Variants in ITSN1 observed in about 807,000 individuals in gnomAD.
ITSN1 encodes the protein intersectin-1.
Under a neutral mutation model 239.8 loss-of-function variants are expected in ITSN1, and 58 were observed. The observed-to-expected ratio is 0.24, with a 90% CI of 0.20 to 0.30. The LOEUF is 0.30. ITSN1 is among the 10% of genes least tolerant of loss of function. The probability of loss-of-function intolerance (pLI) is 1.00; values close to 1 mark genes in which losing one functional copy is unlikely to be tolerated. For synonymous variants in ITSN1, 780 were observed against 770.8 expected (o/e 1.01, Z -0.20); for missense variants, 1,558 against 2,103.3 (o/e 0.74, Z 5.07).
At chr21:33,751,553 G>A (rs567369589) in intron 6 of ITSN1, among the ~76,000 whole-genome samples, 1 of 152,296 alleles carries the variant, frequency 6.6e-6, no homozygotes, top group East Asian at 1.9e-4. Flanking sequence ...GATACAAAAT[G>A]TTTAATGAAG....
intron 1 of ITSN1, among the ~76,000 whole-genome samples, chr21:33,681,636 A>ATTTTG (rs1368831002): frequency 1.3e-5 from 2 of 149,304 alleles, no homozygotes; most frequent in Admixed American, 1.3e-4. Flanking sequence ...ATTTTATTTT[A>ATTTTG]TTTTATTTTA....
chr21:33,680,108 T>C (rs2090854058), intron 1 of ITSN1, among the ~76,000 whole-genome samples: 1 of 152,194 alleles, frequency 6.6e-6, no homozygotes, highest in Non-Finnish European at 1.5e-5. Flanking sequence ...AATGTTCTTT[T>C]GCATTTTATT....
intron 5 of ITSN1, among the ~76,000 whole-genome samples, chr21:33,736,435 G>GT (rs2066505674): frequency 9.5e-6 from 1 of 105,182 alleles, no homozygotes; most frequent in Non-Finnish European, 1.8e-5. Context: ...AAGGGGAAAG[G>GT]TTTTGGAAGA....
intron 29 of ITSN1, among the ~76,000 whole-genome samples, chr21:33,844,270 A>G (rs1408520647): frequency 6.6e-6 from 1 of 152,228 alleles, no homozygotes; most frequent in East Asian, 1.9e-4. Context: ...CTCTTGGTTG[A>G]TGTGGACAAG....
intron 9 of ITSN1, among the ~76,000 whole-genome samples, chr21:33,762,332 T>C (rs1268911436): frequency 6.6e-6 from 1 of 151,830 alleles, no homozygotes; most frequent in African/African-American, 2.4e-5. Flanking sequence ...AGTGGTACGA[T>C]CTCGGCTCAC....
At chr21:33,807,080 G>T (rs1220089029) in intron 20 of ITSN1, among the ~76,000 whole-genome samples, 1 of 152,200 alleles carries the variant, frequency 6.6e-6, no homozygotes, top group Non-Finnish European at 1.5e-5. Flanking sequence ...ATGTATACTT[G>T]TAAGAGTAAA....
intron 34 of ITSN1, among the ~76,000 whole-genome samples, chr21:33,879,751 C>T (rs1374575088): frequency 1.3e-5 from 2 of 152,182 alleles, no homozygotes; most frequent in Non-Finnish European, 2.9e-5. Context: ...GCGATCTCGG[C>T]TCACTGCAAC....
At chr21:33,750,110 T>G in intron 5 of ITSN1, 33 bp from the exon 6 acceptor site, 1 of 1,600,906 alleles carries the variant, frequency 6.2e-7, no homozygotes, top group African/African-American at 1.3e-5. Flanking sequence ...TGTGATTGGA[T>G]GTGAATGGTG....
chr21:33,851,406 C>CT lies in ITSN1; in HGVS notation c.3662-5320dup, dbSNP rs923756344. Among the ~76,000 whole-genome samples, 194 of 148,516 alleles carry CT rather than the reference C, an allele frequency of 1.3e-3. 1 individual carries two copies. Among genetic ancestry groups the CT allele is most frequent in the Middle Eastern group, 3.4e-3 (1 of 290 alleles). On this transcript the variant is annotated intron_variant, in intron 29 of 39. Transcript: ENST00000381318. The stretch of plus-strand genomic sequence containing the variant: ...GGCTCTTTTTTCTTTTCTTTTTTTT[C>CT]TTTTTTTTTTGAGACAGAGTCTCGC...
intron 10 of ITSN1, among the ~76,000 whole-genome samples, chr21:33,766,977 G>C (rs960452597): frequency 6.6e-6 from 1 of 150,740 alleles, no homozygotes; most frequent in Non-Finnish European, 1.5e-5. Context: ...AGATCAGCCT[G>C]GCCAACATGG....
chr21:33,850,595 T>TG (rs2075130018), intron 29 of ITSN1, among the ~76,000 whole-genome samples: 1 of 152,342 alleles, frequency 6.6e-6, no homozygotes, highest in Non-Finnish European at 1.5e-5. Flanking sequence ...GGACCCGGAC[T>TG]GCCTCCTTCT....
At chr21:33,879,932 G>A (rs567084762) in intron 34 of ITSN1, among the ~76,000 whole-genome samples, 2 of 152,316 alleles carry the variant, frequency 1.3e-5, no homozygotes, top group African/African-American at 4.8e-5. Flanking sequence ...TGCCCACCTC[G>A]GCCTCCCAAA....
chr21:33,819,061 C>T (rs1348503174), intron 23 of ITSN1, among the ~76,000 whole-genome samples, 180 bp from the exon 24 acceptor site: 1 of 146,984 alleles, frequency 6.8e-6, no homozygotes, highest in Admixed American at 6.9e-5. Flanking sequence ...AGAATGCGAG[C>T]TTAGAGTCAT....
chr21:33,758,364 C>G (rs1389784760), intron 8 of ITSN1, among the ~76,000 whole-genome samples: 1 of 152,234 alleles, frequency 6.6e-6, no homozygotes, highest in African/African-American at 2.4e-5. Flanking sequence ...ATCTGCTTAC[C>G]TCTGCCTCCC....
intron 4 of ITSN1, among the ~76,000 whole-genome samples, chr21:33,729,512 G>C (rs915007931): frequency 7.3e-5 from 11 of 151,706 alleles, no homozygotes; most frequent in African/African-American, 2.7e-4. Flanking sequence ...AAAAGTATCT[G>C]AGACAAGAGG....
intron 1 of ITSN1, among the ~76,000 whole-genome samples, chr21:33,652,156 G>A (rs969592014): frequency 6.6e-6 from 1 of 152,062 alleles, no homozygotes; most frequent in Non-Finnish European, 1.5e-5. Flanking sequence ...CTTAGCCCGG[G>A]AGAGTTGAAG....
chr21:33,658,947 C>G (rs1392588198), intron 1 of ITSN1, among the ~76,000 whole-genome samples: 1 of 152,018 alleles, frequency 6.6e-6, no homozygotes, highest in Non-Finnish European at 1.5e-5. Flanking sequence ...TGAGTTCATG[C>G]TAATGAACTG....
intron 1 of ITSN1, among the ~76,000 whole-genome samples, chr21:33,672,720 T>G (rs922492793): frequency 2.0e-5 from 3 of 152,062 alleles, no homozygotes; most frequent in African/African-American, 7.2e-5. Context: ...AACGATTTTT[T>G]TTTTTTTTTT....
intron 25 of ITSN1, among the ~76,000 whole-genome samples, chr21:33,824,622 C>G (rs2073879138): frequency 6.6e-6 from 1 of 152,152 alleles, no homozygotes; most frequent in African/African-American, 2.4e-5. Flanking sequence ...ATACTGGGCT[C>G]TTACATGTGC....
Sources: gnomAD v4.1 joint callset for allele counts (sites outside exome capture counted in the v4.1 genomes callset) on GRCh38, gnomAD v4.1.1 for gene constraint, MANE v1.5 for transcripts, NCBI Gene and HGNC (gene_info 2026-07-23, HGNC 2026-07-21) for gene names.